The following GARNL3 variants were observed in gnomAD, a reference collection of about 807,000 sequenced individuals.
GARNL3 encodes the protein GTPase-activating Rap/Ran-GAP domain-like protein 3.
In GARNL3, 63 loss-of-function variants were observed where a neutral mutation model predicts 125.0. That is an observed-to-expected ratio of 0.50 (90% CI 0.41 to 0.62). The LOEUF (loss-of-function observed/expected upper bound fraction) is 0.62. GARNL3 is among the 20% of genes least tolerant of loss of function. GARNL3 has a pLI of 0.00. For synonymous variants in GARNL3, 439 were observed against 457.5 expected, an observed-to-expected ratio of 0.96 and a Z score of 0.52; for missense variants, 994 against 1,244.0, an observed-to-expected ratio of 0.80 and a Z score of 3.02.
At chr9:127,245,975 T>G (rs980024834) in intron 2 of GARNL3, among the ~76,000 whole-genome samples, 4 of 151,952 alleles carry the variant, frequency 2.6e-5, no homozygotes, top group Non-Finnish European at 4.4e-5. Context: ...GTGAAGTATA[T>G]ATAACAACAG....
At chr9:127,314,576 C>T (rs935964902) in intron 4 of GARNL3, among the ~76,000 whole-genome samples, 4 of 151,186 alleles carry the variant, frequency 2.6e-5, no homozygotes, top group African/African-American at 7.3e-5. Context: ...CTCCCTCCCT[C>T]CAAGGCAGGA....
intron 2 of GARNL3, among the ~76,000 whole-genome samples, chr9:127,253,912 G>A (rs369635941): frequency 2.2e-4 from 34 of 152,266 alleles, no homozygotes; most frequent in African/African-American, 8.2e-4. Context: ...CAAGTATCTG[G>A]TAAAGGATAC....
intron 14 of GARNL3, among the ~76,000 whole-genome samples, chr9:127,344,009 C>T (rs941810986): frequency 1.3e-5 from 2 of 151,852 alleles, no homozygotes; most frequent in East Asian, 1.9e-4. Context: ...ATTTCAAAGC[C>T]GTGTCCTCAG....
intron 7 of GARNL3, among the ~76,000 whole-genome samples, chr9:127,330,804 G>A (rs1299349488): frequency 6.6e-6 from 1 of 152,208 alleles, no homozygotes; most frequent in African/African-American, 2.4e-5. Context: ...AGAGTTCCAG[G>A]TGGAGGGGTC....
intron 21 of GARNL3, chr9:127,362,828 G>A (rs999689804): frequency 5.9e-5 from 9 of 152,202 alleles, no homozygotes; most frequent in African/African-American, 2.2e-4. Context: ...CCCTGTGCTA[G>A]GTGCTTAGAT....
chr9:127,290,157 T>C (rs1411852731), intron 1 of GARNL3, among the ~76,000 whole-genome samples: 1 of 152,220 alleles, frequency 6.6e-6, no homozygotes, highest in Non-Finnish European at 1.5e-5. Flanking sequence ...TAATACATAT[T>C]AAGAGCAAAA....
At chr9:127,234,147 C>T (rs879406333) in intron 1 of GARNL3, among the ~76,000 whole-genome samples, 16 of 152,086 alleles carry the variant, frequency 1.1e-4, no homozygotes, top group Non-Finnish European at 2.1e-4. Context: ...CTCTTAGAGC[C>T]AGCAGAAGAA....
At chr9:127,347,147 C>A (rs979173942) in intron 16 of GARNL3, among the ~76,000 whole-genome samples, 6 of 152,158 alleles carry the variant, frequency 3.9e-5, no homozygotes, top group Admixed American at 2.6e-4. Context: ...GGGCCGGGTG[C>A]AGTGGTTCAT....
At chr9:127,252,321 A>T (rs1032710855) in intron 2 of GARNL3, among the ~76,000 whole-genome samples, 1 of 152,168 alleles carries the variant, frequency 6.6e-6, no homozygotes, top group African/African-American at 2.4e-5. Flanking sequence ...GACTACAGCA[A>T]ATTCTGGCTT....
rs771668624 is a variant in GARNL3, at chr9:127,336,160, C to T, written c.906C>T (p.Ile302=). ...VERKRHIGND[I]VTIVFQEGEE... ...GGAAACGCCACATTGGAAACGATAT[C>T]GTCACCATTGTGTTCCAAGAAGGAG... Residue 302 remains isoleucine (I), a synonymous_variant, in exon 11 of 28, where the codon ATC becomes ATT. Coordinates refer to ENST00000373387, the MANE Select transcript of GARNL3 (RefSeq NM_032293.5). The T allele has an allele frequency of 1.4e-5, 22 of 1,613,892 alleles. No homozygotes were observed. The highest frequency in any genetic ancestry group is 5.0e-5 in the Admixed American group (3 of 59,994).
rs1829472104 is a variant in GARNL3 at position 127,335,032 on chromosome 9, T to G, written c.770-198T>G. On this transcript the variant is annotated intron_variant, in intron 9 of 27. Coordinates refer to ENST00000373387, the MANE Select transcript of GARNL3 (RefSeq NM_032293.5). ...GGCAAGGCATGAATTGGACAGCAAG[T>G]GAGCTTAGGGAGAGAGGAAGAGGCC... Among the ~76,000 whole-genome samples, 6 of 152,260 alleles carry G rather than the reference T, an allele frequency of 3.9e-5. No homozygotes were observed. The South Asian group carries it at 1.2e-3, about 32-fold the overall frequency.
intron 2 of GARNL3, among the ~76,000 whole-genome samples, chr9:127,255,797 C>G (rs146000481): frequency 6.6e-6 from 1 of 152,262 alleles, no homozygotes; most frequent in East Asian, 1.9e-4. Flanking sequence ...GGTCCTGGGA[C>G]ATTGCATTTC....
At chr9:127,376,511 C>T (rs1172812617) in intron 22 of GARNL3, among the ~76,000 whole-genome samples, 1 of 152,158 alleles carries the variant, frequency 6.6e-6, no homozygotes, top group Non-Finnish European at 1.5e-5. Context: ...AGTCACCGTG[C>T]TGGGCCAGCC....
In GARNL3 at chr9:127,385,627, C is replaced by T. The variant is rs1483642988; in HGVS notation, c.2388+482C>T. On this transcript the variant is annotated intron_variant, in intron 24 of 27. Coordinates refer to ENST00000373387, the MANE Select transcript of GARNL3 (RefSeq NM_032293.5). This position sits in a 1 kb window ranked among gnomAD's most constrained non-coding sequence, Gnocchi z 4.1. Reference sequence around the variant, plus strand: ...AGGGATGCAGGAACAAAGATGCCTTCCAAGATGTCTTTTGTCGCTGGCATA... The same window carrying T: ...AGGGATGCAGGAACAAAGATGCCTTTCAAGATGTCTTTTGTCGCTGGCATA... Among the ~76,000 whole-genome samples the T allele has an allele frequency of 6.6e-6, 1 of 152,192 alleles. No individual in the cohort carries two copies. Among genetic ancestry groups the T allele is most frequent in the Non-Finnish European group, 1.5e-5 (1 of 68,018 alleles).
At chr9:127,226,926 G>A (rs2062923778) in intron 1 of GARNL3, among the ~76,000 whole-genome samples, 1 of 152,228 alleles carries the variant, frequency 6.6e-6, no homozygotes, top group Non-Finnish European at 1.5e-5. Context: ...AATGCATGGA[G>A]CAGCGCTGTC....
At chr9:127,357,131 TG>T (rs1200837477) in intron 20 of GARNL3, 87 bp from the exon 21 acceptor site, 26 of 1,364,200 alleles carry the variant, frequency 1.9e-5, no homozygotes, top group Non-Finnish European at 2.5e-5. Flanking sequence ...GTGCCTTCTC[TG>T]TAAGGAGGGA....
At chr9:127,254,963 C>T (rs1185363988) in intron 2 of GARNL3, among the ~76,000 whole-genome samples, 1 of 152,212 alleles carries the variant, frequency 6.6e-6, no homozygotes, top group East Asian at 1.9e-4. Context: ...GACACCATTT[C>T]ATACTCTTCA....
At chr9:127,317,483 G>A (rs1457417096) in intron 4 of GARNL3, among the ~76,000 whole-genome samples, 1 of 152,120 alleles carries the variant, frequency 6.6e-6, no homozygotes, top group Non-Finnish European at 1.5e-5. Flanking sequence ...CCAGCACTTT[G>A]GGAGGCTGAG....
chr9:127,294,576 A>G (rs537395241), intron 2 of GARNL3, among the ~76,000 whole-genome samples: 2 of 152,324 alleles, frequency 1.3e-5, no homozygotes, highest in South Asian at 4.1e-4. Context: ...TGCTGGGATT[A>G]CAGGCATGAG....
Sources: gnomAD v4.1 joint callset for allele counts (sites outside exome capture counted in the v4.1 genomes callset) on GRCh38, gnomAD v4.1.1 for gene constraint, Gnocchi (gnomAD v3.1) non-coding constraint, MANE v1.5 for transcripts, NCBI Gene and HGNC (gene_info 2026-07-23, HGNC 2026-07-21) for gene names.